Variants in SLC2A12 observed in about 807,000 individuals in gnomAD.
SLC2A12 encodes the protein solute carrier family 2 member 12.
In SLC2A12, 23 loss-of-function variants were observed where a neutral mutation model predicts 41.8. The observed-to-expected ratio is 0.55, with a 90% confidence interval of 0.40 to 0.78. SLC2A12 has a LOEUF of 0.78. SLC2A12 is among the 30% of genes least tolerant of loss of function. The probability of loss-of-function intolerance (pLI) is 0.00; values close to 1 mark genes in which losing one functional copy is unlikely to be tolerated. For synonymous variants in SLC2A12, 295 were observed against 285.9 expected (o/e 1.03, Z -0.32); for missense variants, 654 against 745.6 (o/e 0.88, Z 1.43).
At chr6:134,029,928 A>G (rs1777178938) in intron 1 of SLC2A12, among the ~76,000 whole-genome samples, 1 of 152,246 alleles carries the variant, frequency 6.6e-6, no homozygotes. Flanking sequence ...GAGGATAGGC[A>G]TGGAGACATG....
At chr6:133,993,892 G>A (rs1361322249) in intron 4 of SLC2A12, among the ~76,000 whole-genome samples, 1 of 152,228 alleles carries the variant, frequency 6.6e-6, no homozygotes, top group Non-Finnish European at 1.5e-5. Context: ...TTAGCAGGCT[G>A]TGCAGGGCTG....
At chr6:134,042,068 T>G (rs1172386009) in intron 1 of SLC2A12, among the ~76,000 whole-genome samples, 1 of 152,258 alleles carries the variant, frequency 6.6e-6, no homozygotes, top group African/African-American at 2.4e-5. Flanking sequence ...GATGGAAAGT[T>G]GTTTTTTAAA....
intron 2 of SLC2A12, among the ~76,000 whole-genome samples, chr6:134,023,718 T>C (rs1004750337): frequency 3.3e-5 from 5 of 152,178 alleles, no homozygotes; most frequent in African/African-American, 1.2e-4. Flanking sequence ...CACCTCTTAT[T>C]TTAGATGGAA....
chr6:134,001,756 G>T (rs1288276372), intron 4 of SLC2A12, among the ~76,000 whole-genome samples: 1 of 101,124 alleles, frequency 9.9e-6, no homozygotes, highest in Non-Finnish European at 2.2e-5. Context: ...TTTGTAGTTT[G>T]AAAAAAAAAA....
chr6:134,014,122 CCA>C (rs1776924816), intron 2 of SLC2A12, among the ~76,000 whole-genome samples: 1 of 152,182 alleles, frequency 6.6e-6, no homozygotes. Context: ...GACAATTTTT[CCA>C]CAGACGGGGG....
At chr6:134,048,026 G>A (rs1383525002) in intron 1 of SLC2A12, among the ~76,000 whole-genome samples, 1 of 152,184 alleles carries the variant, frequency 6.6e-6, no homozygotes, top group Non-Finnish European at 1.5e-5. Context: ...CCACTGCCGC[G>A]TACGATGCAT....
At chr6:134,050,792 C>T (rs1265545720) in intron 1 of SLC2A12, among the ~76,000 whole-genome samples, 2 of 152,138 alleles carry the variant, frequency 1.3e-5, no homozygotes, top group East Asian at 3.8e-4. Context: ...TTCCCTTTAT[C>T]TCCAAATATA....
chr6:134,027,595 G>A (rs946717888), intron 2 of SLC2A12, among the ~76,000 whole-genome samples: 20 of 152,138 alleles, frequency 1.3e-4, no homozygotes, highest in African/African-American at 3.4e-4. Flanking sequence ...CTAGTGAGGC[G>A]TACAAAAGAC....
chr6:134,026,807 T>C (rs1360073581), intron 2 of SLC2A12, among the ~76,000 whole-genome samples: 1 of 152,204 alleles, frequency 6.6e-6, no homozygotes, highest in African/African-American at 2.4e-5. Flanking sequence ...CATGACCCAA[T>C]CTTGCCACAG....
intron 4 of SLC2A12, among the ~76,000 whole-genome samples, chr6:133,999,608 A>G (rs563405282): frequency 2.0e-5 from 3 of 152,294 alleles, no homozygotes; most frequent in Non-Finnish European, 2.9e-5. Flanking sequence ...CTCAAGGATG[A>G]GAAGCCACTG....
At chr6:134,021,659 A>G (rs1777042020) in intron 2 of SLC2A12, among the ~76,000 whole-genome samples, 1 of 152,206 alleles carries the variant, frequency 6.6e-6, no homozygotes, top group Non-Finnish European at 1.5e-5. Flanking sequence ...GAGAAGAAAA[A>G]TCACGTAAAG....
intron 2 of SLC2A12, among the ~76,000 whole-genome samples, chr6:134,022,503 C>T (rs1777053799): frequency 6.7e-6 from 1 of 149,582 alleles, no homozygotes; most frequent in Admixed American, 6.7e-5. Flanking sequence ...TGCACTCCAG[C>T]CTAGGTGACA....
chr6:134,044,479 C>T (rs1174966051), intron 1 of SLC2A12, among the ~76,000 whole-genome samples: 3 of 152,138 alleles, frequency 2.0e-5, no homozygotes, highest in South Asian at 2.1e-4. Flanking sequence ...TTTGGGAGGC[C>T]GAGGTGGGTG....
chr6:134,036,468 T>A (rs1370894447), intron 1 of SLC2A12, among the ~76,000 whole-genome samples: 1 of 152,218 alleles, frequency 6.6e-6, no homozygotes, highest in Non-Finnish European at 1.5e-5. Context: ...ATGCACAGAA[T>A]GTGTGTTCAG....
At position 134,029,555 on chromosome 6, in the gene SLC2A12, G is replaced by A. The variant is rs1238196039; in HGVS notation, c.270C>T (p.Ala90=). 11 of 1,613,988 alleles carry A rather than the reference G, an allele frequency of 6.8e-6. No individual in the cohort carries two copies. Among genetic ancestry groups the A allele is most frequent in the African/African-American group, 1.3e-5 (1 of 74,888 alleles). The part of the protein sequence containing the change: ...EMVVSSLVIG[A]LLASLTGGVL... Reference sequence around the variant, plus strand: ...CCCCTCCGGTGAGTGAGGCAAGGAGGGCTCCAATGACGAGGGAGCTCACAA... The same window carrying A: ...CCCCTCCGGTGAGTGAGGCAAGGAGAGCTCCAATGACGAGGGAGCTCACAA... Residue 90 remains alanine (A), a synonymous_variant, in exon 2 of 5, where the codon GCC becomes GCT. Coordinates refer to ENST00000275230, the MANE Select transcript of SLC2A12 (RefSeq NM_145176.3).
intron 1 of SLC2A12, among the ~76,000 whole-genome samples, chr6:134,050,481 G>C (rs989266196): frequency 6.6e-6 from 1 of 152,144 alleles, no homozygotes; most frequent in African/African-American, 2.4e-5. Flanking sequence ...TGAATTTTGT[G>C]CATGTAACCA....
At chr6:134,026,542 TCTCATAGGTATACA>T (rs1256074883) in intron 2 of SLC2A12, among the ~76,000 whole-genome samples, 2 of 152,224 alleles carry the variant, frequency 1.3e-5, no homozygotes, top group Admixed American at 1.3e-4. Flanking sequence ...CATATGAGTA[TCTCATAGGTATACA>T]CTCAAGATAA....
chr6:134,030,141 C>A (rs1037931150), intron 1 of SLC2A12, among the ~76,000 whole-genome samples: 1 of 152,136 alleles, frequency 6.6e-6, no homozygotes, highest in African/African-American at 2.4e-5. Flanking sequence ...TCTTTGAGGG[C>A]AGGAGAGAGA....
chr6:134,003,295 C>T (rs1056614661), intron 3 of SLC2A12, among the ~76,000 whole-genome samples: 42 of 152,100 alleles, frequency 2.8e-4, no homozygotes, highest in African/African-American at 9.7e-4. Context: ...AGGGTATGGC[C>T]CAACTGATTG....
Sources: allele counts gnomAD v4.1 joint callset (sites outside exome capture counted in the v4.1 genomes callset), GRCh38; gene constraint gnomAD v4.1.1; transcripts MANE v1.5; gene names NCBI Gene and HGNC (gene_info 2026-07-23, HGNC 2026-07-21).